The following STK10 variants were observed in gnomAD, a reference collection of about 807,000 sequenced individuals.
The protein encoded by STK10 is serine/threonine-protein kinase 10.
STK10 carries 78 observed loss-of-function variants against 113.8 expected under a neutral mutation model. The ratio of observed to expected loss-of-function variants is 0.69; its 90% CI spans 0.57 to 0.83. The LOEUF (loss-of-function observed/expected upper bound fraction) is 0.83. Ranked by LOEUF, STK10 falls within the 40% of genes least tolerant of loss-of-function variation. STK10 has a pLI of 0.00. For synonymous variants in STK10, 465 were observed against 494.7 expected (o/e 0.94, Z 0.80); for missense variants, 1,109 against 1,280.1 (o/e 0.87, Z 2.04).
At chr5:172,105,982 C>T (rs1769096372) in intron 6 of STK10, among the ~76,000 whole-genome samples, 1 of 152,186 alleles carries the variant, frequency 6.6e-6, no homozygotes, top group Admixed American at 6.5e-5. Flanking sequence ...CTCAGCAGTG[C>T]CGGGATTTGA....
At chr5:172,099,688 A>G (rs1298885822) in intron 7 of STK10, among the ~76,000 whole-genome samples, 2 of 140,256 alleles carry the variant, frequency 1.4e-5, no homozygotes, top group Non-Finnish European at 2.9e-5. Flanking sequence ...GGTGAGAACC[A>G]AGATCCCAAA....
chr5:172,079,445 G>A (rs1014286133), intron 12 of STK10, among the ~76,000 whole-genome samples: 1 of 152,058 alleles, frequency 6.6e-6, no homozygotes, highest in African/African-American at 2.4e-5. Context: ...TGCTTCCCTA[G>A]CATGTTGGCA....
At chr5:172,181,976 G>A (rs1663068823) in intron 1 of STK10, among the ~76,000 whole-genome samples, 2 of 151,986 alleles carry the variant, frequency 1.3e-5, no homozygotes, top group Non-Finnish European at 2.9e-5. Context: ...TATTTGTTTG[G>A]TAAACTCCCA....
chr5:172,071,138 G>A (rs1484242148), intron 12 of STK10, among the ~76,000 whole-genome samples: 1 of 147,522 alleles, frequency 6.8e-6, no homozygotes, highest in African/African-American at 2.5e-5. Flanking sequence ...GAACCTGGGA[G>A]GCAGAGGTTG....
At position 172,072,783 on chromosome 5, in the gene STK10, TA is replaced by T. The variant is rs376043378; in HGVS notation, c.1990-7972del. On this transcript the variant is annotated intron_variant, in intron 12 of 18. Transcript: ENST00000176763. The stretch of plus-strand genomic sequence containing the variant: ...GCCTTGGCTAGCACAATAAAGCAAT[TA>T]AAAAATAAAAAGCATACAGATTGAA... 1.6e-4 allele frequency among the ~76,000 whole-genome samples: 24 copies of T among 152,152 alleles called. No individual in the cohort carries two copies. In the East Asian group the frequency reaches 3.5e-3, roughly 22 times the overall value.
At chr5:172,048,225 T>A (rs78398343) in intron 18 of STK10, among the ~76,000 whole-genome samples, 11 of 152,240 alleles carry the variant, frequency 7.2e-5, no homozygotes, top group Non-Finnish European at 5.9e-5. Context: ...CCCTTCATCA[T>A]GTGGGTGGGC....
intron 1 of STK10, among the ~76,000 whole-genome samples, chr5:172,161,798 G>A (rs186136882): frequency 6.6e-6 from 1 of 152,132 alleles, no homozygotes; most frequent in East Asian, 1.9e-4. Flanking sequence ...CTAGGAATGA[G>A]GCGGCAGAGT....
At chr5:172,166,049 T>C (rs1167678874) in intron 1 of STK10, among the ~76,000 whole-genome samples, 1 of 152,206 alleles carries the variant, frequency 6.6e-6, no homozygotes, top group African/African-American at 2.4e-5. Context: ...CACCTTGGCC[T>C]CCCAAAGCGC....
intron 14 of STK10, among the ~76,000 whole-genome samples, chr5:172,058,975 G>C (rs966059588): frequency 5.9e-5 from 9 of 152,066 alleles, no homozygotes; most frequent in Non-Finnish European, 1.3e-4. Flanking sequence ...TGTAATCCTA[G>C]CACTTTGGGA....
chr5:172,115,193 G>A (rs964076210), intron 4 of STK10: 1 of 152,510 alleles, frequency 6.6e-6, no homozygotes, highest in African/African-American at 2.4e-5. Context: ...CTGAAGACAA[G>A]CCGGGCCTGT....
At chr5:172,069,403 G>A (rs1768132776) in intron 12 of STK10, among the ~76,000 whole-genome samples, 1 of 152,110 alleles carries the variant, frequency 6.6e-6, no homozygotes, top group Admixed American at 6.6e-5. Context: ...ATTAGACAAG[G>A]TAGACTTCAG....
At chr5:172,134,160 T>G (rs945785102) in intron 2 of STK10, among the ~76,000 whole-genome samples, 1 of 152,224 alleles carries the variant, frequency 6.6e-6, no homozygotes, top group African/African-American at 2.4e-5. Context: ...CAAAAGGCAC[T>G]GTAAGATGTT....
rs1301190656 is a variant in STK10 at position 172,055,720 on chromosome 5, C to T, written c.2394G>A (p.Arg798=). 4.4e-6 allele frequency: 7 copies of T among 1,580,170 alleles called. No individual in the cohort carries two copies. The highest frequency in any genetic ancestry group is 1.2e-5 in the South Asian group (1 of 86,862). ...GCAGCCGCGCCTTTTCCTGTTGCTG[C>T]CGCACCTTCAGCTGCTCTATCATGC... ...NQRMIEQLKV[R]QQQEKARLPK... Residue 798 remains arginine (R), a synonymous_variant, in exon 16 of 19, where the codon CGG becomes CGA. Transcript: ENST00000176763.
At position 172,085,191 on chromosome 5, in the gene STK10, G is replaced by T. The variant is rs1178739108; in HGVS notation, c.1686-2107C>A. 5.9e-5 allele frequency among the ~76,000 whole-genome samples: 9 copies of T among 152,080 alleles called. No individual in the cohort carries two copies. The South Asian group carries it at 1.9e-3, about 32-fold the overall frequency. ...GCCCAGGAGGTCCAGGCTGCAGTGA[G>T]CCGTGACTATGCCGCTTGCACTCCA... is the stretch of plus-strand genomic sequence containing the variant. On this transcript the variant is annotated intron_variant, in intron 10 of 18. Transcript: ENST00000176763.
At chr5:172,097,822 A>T (rs1485712182) in intron 7 of STK10, among the ~76,000 whole-genome samples, 2 of 152,216 alleles carry the variant, frequency 1.3e-5, no homozygotes, top group African/African-American at 4.8e-5. Context: ...GTTTTTATAC[A>T]AATGTCAGAG....
chr5:172,049,412 G>A (rs1348162209), intron 18 of STK10, among the ~76,000 whole-genome samples: 2 of 152,044 alleles, frequency 1.3e-5, no homozygotes, highest in African/African-American at 4.8e-5. Context: ...AAGGCTGGTG[G>A]GTAGAGAATT....
chr5:172,086,869 A>G (rs73801846), intron 10 of STK10, among the ~76,000 whole-genome samples: 3,552 of 152,268 alleles, frequency 0.023, 152 homozygotes, highest in African/African-American at 0.081. Context: ...TGCTCTGCTC[A>G]GGAGGAGGGT....
At position 172,187,495 on chromosome 5, in the gene STK10, T is replaced by TAAAA. The variant is rs1051262766; in HGVS notation, c.156+388_156+391dup. On this transcript the variant is annotated intron_variant, in intron 1 of 18. Transcript: ENST00000176763. This position sits in a 1 kb window ranked among gnomAD's most constrained non-coding sequence, Gnocchi z 4.6. ...TTCCCACAGCATCTGTGGTCTCTCT[T>TAAAA]AAAAAAAAAAGTGTGCCCGTATCGC... Among the ~76,000 whole-genome samples the TAAAA allele has an allele frequency of 6.7e-6, 1 of 148,934 alleles. No homozygotes were observed. Among genetic ancestry groups the TAAAA allele is most frequent in the Non-Finnish European group, 1.5e-5 (1 of 66,980 alleles).
intron 18 of STK10, among the ~76,000 whole-genome samples, chr5:172,049,619 G>T (rs1267130083): frequency 1.3e-5 from 2 of 152,118 alleles, no homozygotes; most frequent in Non-Finnish European, 2.9e-5. Context: ...TTCTGGGGGT[G>T]GGGGAGGGGC....
Sources: allele counts gnomAD v4.1 joint callset (sites outside exome capture counted in the v4.1 genomes callset), GRCh38; gene constraint gnomAD v4.1.1; non-coding constraint Gnocchi (gnomAD v3.1); transcripts MANE v1.5; gene names NCBI Gene and HGNC (gene_info 2026-07-23, HGNC 2026-07-21).